The following ROBO1 variants were observed in gnomAD, a reference collection of about 807,000 sequenced individuals.
ROBO1 encodes roundabout guidance receptor 1, also known as roundabout homolog 1.
In ROBO1, 149 loss-of-function variants were observed where a neutral mutation model predicts 195.9. The observed-to-expected ratio is 0.76, with a 90% confidence interval of 0.67 to 0.87. The LOEUF (loss-of-function observed/expected upper bound fraction) is 0.87, where lower values mean the gene tolerates loss of function less well. ROBO1 is among the 40% of genes least tolerant of loss of function. ROBO1 has a pLI of 0.00. For synonymous variants in ROBO1, 816 were observed against 733.2 expected, an observed-to-expected ratio of 1.11 and a Z score of -1.82; for missense variants, 1,933 against 2,068.3, an observed-to-expected ratio of 0.93 and a Z score of 1.27.
intron 4 of ROBO1, among the ~76,000 whole-genome samples, chr3:78,787,163 T>C (rs377166513): frequency 6.6e-6 from 1 of 152,214 alleles, no homozygotes; most frequent in Non-Finnish European, 1.5e-5. Context: ...TGATGATGCA[T>C]AGCCAAGGAA....
At chr3:79,155,065 T>C (rs1014781519) in intron 2 of ROBO1, among the ~76,000 whole-genome samples, 4 of 151,814 alleles carry the variant, frequency 2.6e-5, no homozygotes, top group African/African-American at 9.7e-5. Flanking sequence ...AAGGACACAT[T>C]GACTCCTATT....
intron 1 of ROBO1, among the ~76,000 whole-genome samples, chr3:79,743,918 A>C (rs1239435023): frequency 3.3e-5 from 5 of 152,134 alleles, no homozygotes. Context: ...TTCTTCTGCA[A>C]CACCTCCTGA....
At chr3:78,936,392 G>A (rs567446074) in intron 4 of ROBO1, among the ~76,000 whole-genome samples, 3 of 151,988 alleles carry the variant, frequency 2.0e-5, no homozygotes, top group Admixed American at 6.6e-5. Context: ...TTTACTTGGG[G>A]GTGATAGTTT....
intron 2 of ROBO1, among the ~76,000 whole-genome samples, chr3:79,233,257 C>T (rs919099063): frequency 2.0e-5 from 3 of 151,852 alleles, no homozygotes; most frequent in African/African-American, 4.8e-5. Flanking sequence ...ATAAAGCCCC[C>T]AAATGGGACT....
rs776380655 is a variant in ROBO1 at position 78,627,470 on chromosome 3, A to G, written c.3726T>C (p.Pro1242=). ...CTGGAGAAGAAGCTGCTCCCCGAAC[A>G]GGGGGAGTGGGGCCTCGTTCATCTT... ...EEEDERGPTP[P]VRGAASSPAA... Residue 1242 remains proline (P), a synonymous_variant, in exon 26 of 31, where the codon CCT becomes CCC. Coordinates refer to ENST00000464233, the MANE Select transcript of ROBO1 (RefSeq NM_002941.4). 4 of 1,613,218 alleles carry G rather than the reference A, an allele frequency of 2.5e-6. No individual in the cohort carries two copies. Among genetic ancestry groups the G allele is most frequent in the East Asian group, 2.2e-5 (1 of 44,754 alleles).
intron 8 of ROBO1, among the ~76,000 whole-genome samples, chr3:78,710,399 T>A (rs1159486829): frequency 6.6e-6 from 1 of 152,234 alleles, no homozygotes; most frequent in African/African-American, 2.4e-5. Context: ...CATGACAATA[T>A]TAGTACTTCA....
intron 4 of ROBO1, among the ~76,000 whole-genome samples, chr3:78,798,400 G>A (rs1056999022): frequency 6.6e-6 from 1 of 152,118 alleles, no homozygotes; most frequent in Non-Finnish European, 1.5e-5. Flanking sequence ...AAAATTTGAT[G>A]CTATCAGAAT....
intron 8 of ROBO1, among the ~76,000 whole-genome samples, chr3:78,711,350 C>CCTTTCTTTTCTTTCTTT (rs1302958232): frequency 3.8e-4 from 18 of 46,802 alleles, no homozygotes; most frequent in African/African-American, 2.4e-3. Flanking sequence ...CTTCCTTCCT[C>CCTTTCTTTTCTTTCTTT]CTTCCTTCCT....
In ROBO1 at chr3:79,161,080, G is replaced by A. The variant is rs563049546; in HGVS notation, c.89-35541C>T. Among the ~76,000 whole-genome samples the A allele has an allele frequency of 8.7e-4, 133 of 152,060 alleles. 1 individual carries two copies. The highest frequency in any genetic ancestry group is 3.4e-3 in the Middle Eastern group (1 of 294). ...ATTTTGGTAATCAAAATAGGAAAAT[G>A]GCATGAAACTATAATAAAGGAAAGC... On this transcript the variant is annotated intron_variant, in intron 2 of 30. Coordinates refer to ENST00000464233, the MANE Select transcript of ROBO1 (RefSeq NM_002941.4).
At chr3:79,471,275 C>A (rs1938256351) in intron 2 of ROBO1, among the ~76,000 whole-genome samples, 2 of 152,060 alleles carry the variant, frequency 1.3e-5, no homozygotes, top group South Asian at 4.2e-4. Context: ...GACCTCAAAA[C>A]CACAGGCAAT....
At position 79,453,637 on chromosome 3, in the gene ROBO1, ATGTAGGTCTC is replaced by A. The variant is rs554323799; in HGVS notation, c.88+136177_88+136186del. Among the ~76,000 whole-genome samples the A allele has an allele frequency of 4.1e-3, 623 of 152,144 alleles. 1 individual carries two copies. Among genetic ancestry groups the A allele is most frequent in the Non-Finnish European group, 5.2e-3 (354 of 67,972 alleles). On this transcript the variant is annotated intron_variant, in intron 2 of 30. Coordinates refer to ENST00000464233, the MANE Select transcript of ROBO1 (RefSeq NM_002941.4). ...GGGAGTTGTTCATAATTCTAACTGA[ATGTAGGTCTC>A]AGTAAAGACTCACATCAAAAGCCGA...
intron 14 of ROBO1, among the ~76,000 whole-genome samples, chr3:78,664,209 C>A (rs1354625406): frequency 6.6e-6 from 1 of 152,158 alleles, no homozygotes; most frequent in Non-Finnish European, 1.5e-5. Context: ...TGTAAAAGGT[C>A]TTTCTCAACA....
chr3:78,667,069 A>G (rs1394863357), intron 14 of ROBO1, among the ~76,000 whole-genome samples: 2 of 152,092 alleles, frequency 1.3e-5, no homozygotes, highest in African/African-American at 2.4e-5. Flanking sequence ...GATATCTCTC[A>G]TATTTATGTG....
intron 3 of ROBO1, among the ~76,000 whole-genome samples, chr3:78,939,315 C>T (rs2039992795): frequency 6.6e-6 from 1 of 152,080 alleles, no homozygotes. Context: ...TCAGTCAACA[C>T]TTCAACAAAA....
intron 4 of ROBO1, among the ~76,000 whole-genome samples, chr3:78,847,910 A>G (rs1420690989): frequency 6.6e-6 from 1 of 152,320 alleles, no homozygotes; most frequent in South Asian, 2.1e-4. Flanking sequence ...TGGTTTTAGT[A>G]TGTGTAGCAA....
chr3:79,010,422 T>A (rs1331428805), intron 3 of ROBO1, among the ~76,000 whole-genome samples: 1 of 152,114 alleles, frequency 6.6e-6, no homozygotes, highest in African/African-American at 2.4e-5. Flanking sequence ...GTTTTAAGTA[T>A]TAAATAAGAT....
intron 1 of ROBO1, among the ~76,000 whole-genome samples, chr3:79,672,627 A>G (rs1946664029): frequency 6.6e-6 from 1 of 151,730 alleles, no homozygotes; most frequent in South Asian, 2.1e-4. Flanking sequence ...AATTGGGGGG[A>G]CATAAGGATG....
chr3:78,641,345 C>T (rs1286411208), intron 21 of ROBO1, among the ~76,000 whole-genome samples: 2 of 152,120 alleles, frequency 1.3e-5, no homozygotes, highest in Non-Finnish European at 2.9e-5. Flanking sequence ...AACACATACA[C>T]TGGAGAGTAC....
At chr3:79,568,355 G>A (rs1943157792) in intron 2 of ROBO1, among the ~76,000 whole-genome samples, 1 of 151,820 alleles carries the variant, frequency 6.6e-6, no homozygotes. Context: ...CATATTGTCT[G>A]TCTCTCCATA....
Sources: gnomAD v4.1 joint callset for allele counts (sites outside exome capture counted in the v4.1 genomes callset) on GRCh38, gnomAD v4.1.1 for gene constraint, MANE v1.5 for transcripts, NCBI Gene and HGNC (gene_info 2026-07-23, HGNC 2026-07-21) for gene names.